XKR6: variants seen among roughly 807,000 people sequenced by gnomAD.
XKR6 encodes the protein XK-related protein 6.
In XKR6, 22 loss-of-function variants were observed where a neutral mutation model predicts 56.7. That is an observed-to-expected ratio of 0.39 (90% CI 0.28 to 0.55). The LOEUF is 0.55. Ranked by LOEUF, XKR6 falls within the 20% of genes least tolerant of loss-of-function variation. The probability of loss-of-function intolerance (pLI) is 0.66; values close to 1 mark genes in which losing one functional copy is unlikely to be tolerated. For synonymous variants in XKR6, 524 were observed against 387.8 expected, an observed-to-expected ratio of 1.35 and a Z score of -4.13; for missense variants, 852 against 889.0, an observed-to-expected ratio of 0.96 and a Z score of 0.53.
At chr8:11,087,299 G>A (rs4840542) in intron 1 of XKR6, among the ~76,000 whole-genome samples, 3 of 152,118 alleles carry the variant, frequency 2.0e-5, no homozygotes, top group South Asian at 4.1e-4. Flanking sequence ...CCACATGCTC[G>A]TCTCCCTTTC....
intron 1 of XKR6, chr8:11,124,807 T>A (rs1209468613): frequency 6.6e-6 from 1 of 151,914 alleles, no homozygotes; most frequent in African/African-American, 2.4e-5. Flanking sequence ...GATGCTGGGC[T>A]GGCGCAGGGG....
chr8:11,103,701 G>A (rs569733846), intron 1 of XKR6, among the ~76,000 whole-genome samples: 2 of 152,152 alleles, frequency 1.3e-5, no homozygotes, highest in South Asian at 4.1e-4. Context: ...GGGAGACTGA[G>A]ATAAACTCCC....
intron 1 of XKR6, among the ~76,000 whole-genome samples, chr8:11,088,728 A>C (rs1290339074): frequency 6.6e-6 from 1 of 152,176 alleles, no homozygotes; most frequent in Non-Finnish European, 1.5e-5. Context: ...TCTGAGACTC[A>C]TTTATTTCTT....
chr8:11,168,832 C>T (rs541511461), intron 1 of XKR6, among the ~76,000 whole-genome samples: 1 of 152,178 alleles, frequency 6.6e-6, no homozygotes, highest in Non-Finnish European at 1.5e-5. Flanking sequence ...GAACAAGGCC[C>T]AACCCAGAAA....
Position 11,002,080 on chromosome 8 carries a change from AAC to A in XKR6, c.765-77252_765-77251del, listed in dbSNP as rs1185173198. ...CCATGTGAGTTAAAAAAAAAAAAAA[AAC>A]ACACAAAAAACCTCCTTCCAGGTCC... is the stretch of plus-strand genomic sequence containing the variant. On this transcript the variant is annotated intron_variant, in intron 1 of 2. Coordinates refer to ENST00000416569, the MANE Select transcript of XKR6 (RefSeq NM_173683.4). Among the ~76,000 whole-genome samples, 150 of 142,690 alleles carry A rather than the reference AAC, an allele frequency of 1.1e-3. 1 individual carries two copies. Among genetic ancestry groups the A allele is most frequent in the Non-Finnish European group, 1.6e-3 (103 of 64,836 alleles). The allele number at this position is 142,690 out of a possible 152,430, so 93.6% of individuals were successfully genotyped here.
At chr8:11,085,224 C>T (rs989495673) in intron 1 of XKR6, among the ~76,000 whole-genome samples, 1 of 152,234 alleles carries the variant, frequency 6.6e-6, no homozygotes, top group Non-Finnish European at 1.5e-5. Context: ...CTCTCAGATC[C>T]TCCTCTGCGG....
intron 1 of XKR6, among the ~76,000 whole-genome samples, chr8:10,944,489 C>G (rs560167538): frequency 1.7e-4 from 26 of 152,296 alleles, no homozygotes; most frequent in African/African-American, 6.3e-4. Flanking sequence ...ATTCACCACA[C>G]GGCAGGGCAG....
chr8:11,129,753 G>A (rs1800008102), intron 1 of XKR6, among the ~76,000 whole-genome samples: 1 of 152,148 alleles, frequency 6.6e-6, no homozygotes, highest in Admixed American at 6.5e-5. Context: ...ATGTGGGAAG[G>A]AGGACAGGGA....
chr8:11,164,068 T>C (rs1313503973), intron 1 of XKR6, among the ~76,000 whole-genome samples: 2 of 152,200 alleles, frequency 1.3e-5, no homozygotes, highest in African/African-American at 4.8e-5. Flanking sequence ...TCCCCCTGCC[T>C]ACAGTGGGGA....
chr8:10,982,171 G>C (rs1797749759), intron 1 of XKR6, among the ~76,000 whole-genome samples: 1 of 152,152 alleles, frequency 6.6e-6, no homozygotes, highest in Admixed American at 6.5e-5. Flanking sequence ...TGTTTCAAAG[G>C]CAAATGGTAG....
intron 1 of XKR6, among the ~76,000 whole-genome samples, chr8:11,178,343 T>G (rs965068316): frequency 6.6e-6 from 1 of 151,804 alleles, no homozygotes; most frequent in Non-Finnish European, 1.5e-5. Flanking sequence ...AAACATAAGG[T>G]ATTAAAAATG....
At chr8:11,130,584 G>A (rs921357528) in intron 1 of XKR6, among the ~76,000 whole-genome samples, 1 of 151,394 alleles carries the variant, frequency 6.6e-6, no homozygotes, top group African/African-American at 2.4e-5. Flanking sequence ...TGCCAACTAT[G>A]GCTAAGACGG....
intron 1 of XKR6, among the ~76,000 whole-genome samples, chr8:10,981,004 T>TG (rs968254672): frequency 3.9e-5 from 6 of 152,116 alleles, no homozygotes; most frequent in African/African-American, 1.4e-4. Flanking sequence ...AGCCCAACAT[T>TG]GTTCTTTCGT....
intron 1 of XKR6, among the ~76,000 whole-genome samples, chr8:11,190,516 A>C (rs1270293057): frequency 6.6e-6 from 1 of 152,194 alleles, no homozygotes; most frequent in Non-Finnish European, 1.5e-5. Flanking sequence ...CTGTGTCCTA[A>C]GACACAGACC....
intron 1 of XKR6, among the ~76,000 whole-genome samples, chr8:10,980,295 G>C (rs1001313247): frequency 2.0e-5 from 3 of 152,166 alleles, no homozygotes; most frequent in Non-Finnish European, 4.4e-5. Context: ...GGGCCAGATG[G>C]GTAAGAAAAG....
chr8:10,904,262 T>C (rs1800122599), intron 2 of XKR6, among the ~76,000 whole-genome samples: 1 of 152,106 alleles, frequency 6.6e-6, no homozygotes, highest in Non-Finnish European at 1.5e-5. Context: ...CTGGGAAGTC[T>C]CTGGGCCAGA....
chr8:10,966,909 G>A (rs781108325), intron 1 of XKR6, among the ~76,000 whole-genome samples: 1 of 152,216 alleles, frequency 6.6e-6, no homozygotes, highest in East Asian at 1.9e-4. Flanking sequence ...GATCTCTGGG[G>A]CTAGGTCTTA....
chr8:10,918,979 G>T (rs1474227668), intron 2 of XKR6, among the ~76,000 whole-genome samples: 1 of 152,180 alleles, frequency 6.6e-6, no homozygotes, highest in Non-Finnish European at 1.5e-5. Context: ...CTCCCTGTGT[G>T]AAAGAAAAGG....
intron 1 of XKR6, among the ~76,000 whole-genome samples, chr8:10,967,537 C>G (rs571482012): frequency 2.0e-5 from 3 of 152,138 alleles, no homozygotes; most frequent in African/African-American, 7.2e-5. Context: ...GGTCGGGGGG[C>G]GTGGGGTGCC....
Sources: gnomAD v4.1 joint callset for allele counts (sites outside exome capture counted in the v4.1 genomes callset) on GRCh38, gnomAD v4.1.1 for gene constraint, MANE v1.5 for transcripts, NCBI Gene and HGNC (gene_info 2026-07-23, HGNC 2026-07-21) for gene names.